The following XKR4 variants were observed in gnomAD, a reference collection of about 807,000 sequenced individuals.
XKR4 encodes the protein XK related 4.
In XKR4, 12 loss-of-function variants were observed where a neutral mutation model predicts 53.9. The observed-to-expected ratio is 0.22, with a 90% CI of 0.14 to 0.36. XKR4 has a LOEUF of 0.36. XKR4 is among the 10% of genes least tolerant of loss of function. XKR4 has a pLI of 1.00. For missense variants in XKR4, 799 were observed against 859.5 expected (o/e 0.93, Z 0.88); for synonymous variants, 354 against 362.4 (o/e 0.98, Z 0.26).
chr8:55,501,685 CATAT>C (rs35759515), intron 2 of XKR4, among the ~76,000 whole-genome samples: 2,790 of 150,724 alleles, frequency 0.019, 76 homozygotes, highest in African/African-American at 0.064. Flanking sequence ...TAAATACATA[CATAT>C]ATATATATAT....
intron 1 of XKR4, among the ~76,000 whole-genome samples, chr8:55,245,156 C>T (rs905201319): frequency 6.6e-6 from 1 of 152,110 alleles, no homozygotes; most frequent in African/African-American, 2.4e-5. Context: ...ATCCACCCAC[C>T]TCAGCCTCCC....
intron 1 of XKR4, among the ~76,000 whole-genome samples, chr8:55,261,466 G>A (rs532872326): frequency 2.4e-4 from 36 of 152,294 alleles, no homozygotes; most frequent in Middle Eastern, 3.4e-3. Flanking sequence ...TTGGGTGTAA[G>A]CATTGATCCA....
chr8:55,262,054 T>C (rs1310861052), intron 1 of XKR4, among the ~76,000 whole-genome samples: 4 of 152,180 alleles, frequency 2.6e-5, no homozygotes, highest in African/African-American at 7.2e-5. Context: ...TTCCCAGATA[T>C]CATCTGAAAA....
chr8:55,477,465 G>A (rs375462185), intron 2 of XKR4, among the ~76,000 whole-genome samples: 1 of 152,130 alleles, frequency 6.6e-6, no homozygotes, highest in African/African-American at 2.4e-5. Flanking sequence ...AAAAAACAGA[G>A]CAGAAAAACT....
intron 2 of XKR4, among the ~76,000 whole-genome samples, chr8:55,473,830 C>A (rs1805930592): frequency 6.6e-6 from 1 of 151,784 alleles, no homozygotes; most frequent in South Asian, 2.1e-4. Flanking sequence ...TTCTTTCCTT[C>A]TTTTCTTTTC....
intron 1 of XKR4, among the ~76,000 whole-genome samples, chr8:55,193,102 A>G (rs1817465162): frequency 6.6e-6 from 1 of 152,062 alleles, no homozygotes. Flanking sequence ...CTTCGGATGA[A>G]AAAAATTCAA....
At position 55,273,051 on chromosome 8, in the gene XKR4, A is replaced by C. The variant is rs1176934487; in HGVS notation, c.807-84627A>C. Reference sequence around the variant, plus strand: ...GTGATGTAATTCCATTCAATGGAAGAAAACATTACAAGATCTGTTAGCTTC... The same window carrying C: ...GTGATGTAATTCCATTCAATGGAAGCAAACATTACAAGATCTGTTAGCTTC... On this transcript the variant is annotated intron_variant, in intron 1 of 2. Transcript: ENST00000327381. 2.5e-5 allele frequency: 9 copies of C among 360,370 alleles called. No homozygotes were observed. The East Asian group carries it at 6.7e-4, about 27-fold the overall frequency. The allele number at this position is 360,370 out of a possible 1,614,324, so 22.3% of individuals were successfully genotyped here.
chr8:55,534,919 G>A lies in XKR4; in HGVS notation c.*10692G>A, dbSNP rs796651025. 7.9e-5 allele frequency: 12 copies of A among 152,096 alleles called. No individual in the cohort carries two copies. The highest frequency in any genetic ancestry group is 2.7e-4 in the African/African-American group (11 of 41,482). The allele number at this position is 152,096 out of a possible 1,614,324, so 9.4% of individuals were successfully genotyped here. A position where few individuals can be genotyped will look rare whatever the true frequency, so the allele number is the denominator to read the frequency against. On this transcript the variant is annotated 3_prime_UTR_variant, in exon 3 of 3. Transcript: ENST00000327381. ...TAATCTTTTGGTATAACAATTTTAG[G>A]AGTTCACCCTAGATGAAAGAGTGGA...
At chr8:55,145,811 G>T (rs562734703) in intron 1 of XKR4, among the ~76,000 whole-genome samples, 7 of 152,236 alleles carry the variant, frequency 4.6e-5, no homozygotes, top group Middle Eastern at 6.8e-3. Flanking sequence ...CATAAATTTT[G>T]TGTGCAGTAG....
intron 1 of XKR4, among the ~76,000 whole-genome samples, chr8:55,245,567 C>T (rs565937124): frequency 2.3e-4 from 35 of 152,066 alleles, no homozygotes; most frequent in African/African-American, 8.2e-4. Flanking sequence ...TCCTCTTTTC[C>T]CTGGTCTTGT....
chr8:55,455,159 G>A, intron 2 of XKR4: 2 of 555,768 alleles, frequency 3.6e-6, no homozygotes, highest in Non-Finnish European at 6.7e-6. Flanking sequence ...CGCTGGGCGG[G>A]CTCCGCGGCT....
chr8:55,152,058 T>G (rs888251612), intron 1 of XKR4, among the ~76,000 whole-genome samples: 3 of 152,190 alleles, frequency 2.0e-5, no homozygotes. Context: ...CCATCTTATC[T>G]GCGTTTTCTA....
chr8:55,292,566 G>A lies in XKR4; in HGVS notation c.807-65112G>A, dbSNP rs143916910. Among the ~76,000 whole-genome samples, 778 of 152,020 alleles carry A rather than the reference G, an allele frequency of 5.1e-3. 3 individuals are homozygous for A. Among genetic ancestry groups the A allele is most frequent in the African/African-American group, 0.018 (741 of 41,490 alleles). Reference sequence around the variant, plus strand: ...TTTTACCCAAACTTGATAAAGATTGGCCAATTTTATTAATCTTTTCAAAAA... The same window carrying A: ...TTTTACCCAAACTTGATAAAGATTGACCAATTTTATTAATCTTTTCAAAAA... On this transcript the variant is annotated intron_variant, in intron 1 of 2. Transcript: ENST00000327381.
At chr8:55,141,940 A>G (rs1816710319) in intron 1 of XKR4, among the ~76,000 whole-genome samples, 1 of 152,078 alleles carries the variant, frequency 6.6e-6, no homozygotes, top group Non-Finnish European at 1.5e-5. Flanking sequence ...ACACGCCTGC[A>G]GGGTTCAGAG....
chr8:55,419,962 A>G (rs1463727553), intron 2 of XKR4, among the ~76,000 whole-genome samples: 1 of 152,244 alleles, frequency 6.6e-6, no homozygotes, highest in Non-Finnish European at 1.5e-5. Context: ...AAGGACTTTG[A>G]CGTTAACAGT....
chr8:55,177,260 C>T (rs1817248360), intron 1 of XKR4, among the ~76,000 whole-genome samples: 2 of 152,186 alleles, frequency 1.3e-5, no homozygotes, highest in African/African-American at 4.8e-5. Context: ...TGGTCTCAAA[C>T]TCCTGACCTC....
chr8:55,483,342 T>C (rs1806142020), intron 2 of XKR4, among the ~76,000 whole-genome samples: 1 of 152,166 alleles, frequency 6.6e-6, no homozygotes, highest in Non-Finnish European at 1.5e-5. Context: ...GAAAATAAAA[T>C]GTGGTCATCC....
chr8:55,131,263 T>C (rs1298689312), intron 1 of XKR4, among the ~76,000 whole-genome samples: 1 of 152,190 alleles, frequency 6.6e-6, no homozygotes, highest in Non-Finnish European at 1.5e-5. Context: ...CCTCAGGTGA[T>C]TCATATGCAC....
intron 2 of XKR4, among the ~76,000 whole-genome samples, chr8:55,403,709 A>G (rs1354004439): frequency 6.6e-6 from 1 of 152,250 alleles, no homozygotes; most frequent in Non-Finnish European, 1.5e-5. Flanking sequence ...GGTTCAAAAC[A>G]TGCTGTCAGA....
Sources: gnomAD v4.1 joint callset for allele counts (sites outside exome capture counted in the v4.1 genomes callset) on GRCh38, gnomAD v4.1.1 for gene constraint, MANE v1.5 for transcripts, NCBI Gene and HGNC (gene_info 2026-07-23, HGNC 2026-07-21) for gene names.